Variants in ATP12A observed in about 807,000 individuals in gnomAD.
ATP12A encodes ATPase H+/K+ transporting non-gastric alpha2 subunit.
A neutral mutation model predicts 111.2 loss-of-function variants in ATP12A; 81 were observed. The observed-to-expected ratio is 0.73, with a 90% CI of 0.61 to 0.88. ATP12A has a LOEUF of 0.88. Ranked by LOEUF, ATP12A falls within the 40% of genes least tolerant of loss-of-function variation. The pLI, the probability that ATP12A is intolerant of heterozygous loss-of-function variation, is 0.00. For synonymous variants in ATP12A, 498 were observed against 499.8 expected (o/e 1.00, Z 0.05); for missense variants, 1,196 against 1,313.1 (o/e 0.91, Z 1.38).
chr13:24,693,023 C>A, intron 10 of ATP12A, 127 bp downstream of exon 10: 1 of 825,408 alleles, frequency 1.2e-6, no homozygotes, highest in Non-Finnish European at 1.9e-6. Context: ...AAGAGCAAGT[C>A]AGACTCACAA....
At chr13:24,708,964 G>GGAAGGAAGAAAGAAAGAAAGAAAGAAA (rs1566078418) in intron 17 of ATP12A, among the ~76,000 whole-genome samples, 3 of 114,732 alleles carry the variant, frequency 2.6e-5, no homozygotes, top group African/African-American at 6.6e-5. Context: ...AAAGAAAGAA[G>GGAAGGAAGAAAGAAAGAAAGAAAGAAA]GAAAGAGAAA....
At chr13:24,709,257 C>CG in intron 17 of ATP12A, 107 bp from the exon 18 acceptor site, 2 of 366,696 alleles carry the variant, frequency 5.5e-6, no homozygotes, top group Non-Finnish European at 1.0e-5. Flanking sequence ...CAGCTCCATG[C>CG]CCCCCACCCC....
rs1251665531 is a variant in ATP12A at position 24,698,827 on chromosome 13, G to A, written c.1682G>A (p.Gly561Asp). The change falls in exon 12 of 23, where the codon GGC becomes GAC. Residue 561 changes from glycine to aspartate, a missense_variant. Physicochemically the swap from Gly to Asp is moderately conservative, Grantham distance 94. Coordinates refer to ENST00000381946, the MANE Select transcript of ATP12A (RefSeq NM_001676.7). ...KTFHTAYMEL[G>D]GLGERVLGFC... ...TTCCACACAGCCTACATGGAGCTGGGCGGGTTGGGCGAGCGTGTGCTGGGT... is the reference window on the plus strand; with the variant it reads ...TTCCACACAGCCTACATGGAGCTGGACGGGTTGGGCGAGCGTGTGCTGGGT... 6.2e-7 allele frequency: 1 copy of A among 1,614,032 alleles called. No individual in the cohort carries two copies. Among genetic ancestry groups the A allele is most frequent in the South Asian group, 1.1e-5 (1 of 91,082 alleles).
In ATP12A at chr13:24,681,722, T is replaced by A; in HGVS notation, c.168+2T>A. ...GAGTTTCAGAAAGAACTCCATCTGG[T>A]CAGTAGCCTTAAGCCACGGGGTCCT... On this transcript the variant is annotated splice_donor_variant, in intron 2 of 22. Coordinates refer to ENST00000381946, the MANE Select transcript of ATP12A (RefSeq NM_001676.7). LOFTEE classifies it high-confidence loss of function. The A allele has an allele frequency of 6.2e-7, 1 of 1,614,152 alleles. No homozygotes were observed. The highest frequency in any genetic ancestry group is 8.5e-7 in the Non-Finnish European group (1 of 1,180,020).
At position 24,711,526 on chromosome 13, in the gene ATP12A, C is replaced by T. The variant is rs1041583791; in HGVS notation, c.*4C>T. On this transcript the variant is annotated 3_prime_UTR_variant, in exon 23 of 23. Transcript: ENST00000381946. ...GGATAAGAACATGTATTATTAAGAC[C>T]ACCTCCCTTCCTATGTCTCTCAGCA... 1.2e-6 allele frequency: 2 copies of T among 1,613,958 alleles called. No individual in the cohort carries two copies. The highest frequency in any genetic ancestry group is 3.3e-5 in the Admixed American group (2 of 59,988).
intron 3 of ATP12A, among the ~76,000 whole-genome samples, chr13:24,686,149 A>G (rs563810680): frequency 6.6e-6 from 1 of 152,336 alleles, no homozygotes; most frequent in East Asian, 1.9e-4. Flanking sequence ...GTCGAAAGAC[A>G]TTACAGGGGC....
intron 14 of ATP12A, among the ~76,000 whole-genome samples, chr13:24,705,014 TTTTG>T (rs1346815871): frequency 6.6e-6 from 1 of 152,204 alleles, no homozygotes; most frequent in Non-Finnish European, 1.5e-5. Context: ...TTTTGTTTTG[TTTTG>T]TTTTTTTGCC....
At chr13:24,708,504 T>C (rs962592211) in intron 17 of ATP12A, among the ~76,000 whole-genome samples, 2 of 152,178 alleles carry the variant, frequency 1.3e-5, no homozygotes, top group African/African-American at 4.8e-5. Context: ...TGGATCATTT[T>C]CCAAGCCCTT....
At chr13:24,709,912 G>T in intron 19 of ATP12A, 84 bp downstream of exon 19, 1 of 1,559,632 alleles carries the variant, frequency 6.4e-7, no homozygotes, top group Non-Finnish European at 8.7e-7. Flanking sequence ...GAACCTCCAT[G>T]TCCCTGAACA....
At chr13:24,684,680 A>G (rs1245848587) in intron 2 of ATP12A, among the ~76,000 whole-genome samples, 1 of 152,240 alleles carries the variant, frequency 6.6e-6, no homozygotes, top group Non-Finnish European at 1.5e-5. Context: ...TTCTCCCAGA[A>G]TGGCAGCAGG....
intron 11 of ATP12A, among the ~76,000 whole-genome samples, chr13:24,697,269 T>G (rs1167252094): frequency 6.6e-6 from 1 of 152,194 alleles, no homozygotes; most frequent in African/African-American, 2.4e-5. Context: ...TGGACAGCAC[T>G]TAGAACAGTG....
At chr13:24,709,593 G>A in intron 18 of ATP12A, 90 bp from the exon 19 acceptor site, 2 of 1,593,668 alleles carry the variant, frequency 1.3e-6, no homozygotes, top group Non-Finnish European at 1.7e-6. Context: ...GGCCTGGGTT[G>A]GGGAGGGAGG....
In ATP12A at chr13:24,707,374, G is replaced by A. The variant is rs772196577; in HGVS notation, c.2434G>A (p.Gly812Arg). 19 of 1,613,996 alleles carry A rather than the reference G, an allele frequency of 1.2e-5. No individual in the cohort carries two copies. Among genetic ancestry groups the A allele is most frequent in the Admixed American group, 3.3e-5 (2 of 60,002 alleles). Residue 812 changes from glycine (G) to arginine (R), a missense_variant, in exon 17 of 23, where the codon GGG becomes AGG. This residue lies in a region of ATP12A where 1,126 missense variants were observed against 1,228.5 expected (regional missense o/e 0.92). Coordinates refer to ENST00000381946, the MANE Select transcript of ATP12A (RefSeq NM_001676.7). ...LCPFLIYIIV[G>R]LPLPIGTITI... Reference sequence around the variant, plus strand: ...CCCCTTTCTGATCTACATCATTGTCGGGCTCCCCCTGCCCATTGGCACCAT... The same window carrying A: ...CCCCTTTCTGATCTACATCATTGTCAGGCTCCCCCTGCCCATTGGCACCAT...
intron 14 of ATP12A, chr13:24,704,699 A>G: frequency 4.4e-6 from 1 of 229,842 alleles, no homozygotes; most frequent in South Asian, 5.5e-5. Flanking sequence ...AACGAGAGAA[A>G]GACATAATCT....
intron 10 of ATP12A, among the ~76,000 whole-genome samples, chr13:24,693,232 G>T (rs1874988163): frequency 6.6e-6 from 1 of 152,124 alleles, no homozygotes; most frequent in Non-Finnish European, 1.5e-5. Context: ...GAAATTTAAA[G>T]TGTGATTGAA....
intron 1 of ATP12A, 69 bp from the exon 2 acceptor site, chr13:24,681,493 A>G: frequency 6.4e-7 from 1 of 1,552,874 alleles, no homozygotes; most frequent in Non-Finnish European, 8.7e-7. Flanking sequence ...CTGACCCCGC[A>G]GAGGGGCGCT....
At chr13:24,698,234 G>A (rs910390965) in intron 11 of ATP12A, among the ~76,000 whole-genome samples, 1 of 152,076 alleles carries the variant, frequency 6.6e-6, no homozygotes, top group Non-Finnish European at 1.5e-5. Context: ...GTGAGGAGGT[G>A]CAGAAATTCC....
intron 11 of ATP12A, among the ~76,000 whole-genome samples, chr13:24,695,116 A>T (rs2137703171): frequency 6.6e-6 from 1 of 152,322 alleles, no homozygotes. Flanking sequence ...TTGAGAGACC[A>T]GAGTCACACA....
intron 11 of ATP12A, among the ~76,000 whole-genome samples, chr13:24,698,291 A>T (rs1357497072): frequency 6.6e-6 from 1 of 152,072 alleles, no homozygotes; most frequent in Admixed American, 6.6e-5. Flanking sequence ...GGTCTGAAAG[A>T]CGGCTGCTCC....
Sources: gnomAD v4.1 joint callset for allele counts (sites outside exome capture counted in the v4.1 genomes callset) on GRCh38, gnomAD v4.1.1 for gene constraint, gnomAD v4.1.1 regional missense constraint, MANE v1.5 for transcripts, NCBI Gene and HGNC (gene_info 2026-07-23, HGNC 2026-07-21) for gene names.